LPA: variants seen among roughly 807,000 people sequenced by gnomAD.
LPA encodes the protein apolipoprotein(a).
In LPA, 199 loss-of-function variants were observed where a neutral mutation model predicts 197.9. The ratio of observed to expected loss-of-function variants is 1.01; its 90% CI spans 0.90 to 1.13. The LOEUF is 1.13. LPA is among the 50% of genes most tolerant of loss of function. The pLI is 0.00. For synonymous variants in LPA, 715 were observed against 639.5 expected, an observed-to-expected ratio of 1.12 and a Z score of -1.78; for missense variants, 1,853 against 1,785.8, an observed-to-expected ratio of 1.04 and a Z score of -0.68.
chr6:160,577,191 A>C lies in LPA; in HGVS notation c.4576T>G (p.Trp1526Gly). 1 of 1,613,956 alleles carries C rather than the reference A, an allele frequency of 6.2e-7. No homozygotes were observed. Among genetic ancestry groups the C allele is most frequent in the East Asian group, 2.2e-5 (1 of 44,866 alleles). The change falls in exon 28 of 39, where the codon TGG (tryptophan) becomes GGG (glycine). Residue 1526 changes from tryptophan (W) to glycine (G), a missense_variant. Trp to Gly is a radical substitution (Grantham distance 184). Around this residue, in one of 3 missense-constraint regions of LPA, gnomAD observed 1,737 missense variants for 1,504.4 expected, o/e 1.15. Transcript: ENST00000316300. The part of the protein sequence containing the change: ...TTVTGRTCQS[W>G]SSMIPHWHQR... ...TGCCAGTGTGGTATCATAGATGACCAAGATTGACAGGTCCTTCCTGTGACA... is the reference window on the plus strand; with the variant it reads ...TGCCAGTGTGGTATCATAGATGACCCAGATTGACAGGTCCTTCCTGTGACA...
chr6:160,653,973 TAATATATAATATATAA>T lies in LPA; in HGVS notation c.50-3492_50-3477del, dbSNP rs1562354414. Among the ~76,000 whole-genome samples, 48 of 21,116 alleles carry T rather than the reference TAATATATAATATATAA, an allele frequency of 2.3e-3. 2 individuals carry two copies. Among genetic ancestry groups the T allele is most frequent in the African/African-American group, 8.4e-3 (43 of 5,100 alleles). 13.9% of individuals were successfully genotyped at this position (21,116 alleles called of 152,430 possible). On this transcript the variant is annotated intron_variant, in intron 1 of 38. Transcript: ENST00000316300. ...TATTATATATAATATATATTATATA[TAATATATAATATATAA>T]TATATATTATATATAATATATATTA...
At chr6:160,606,727 C>A in intron 16 of LPA, 69 bp from the exon 17 acceptor site, 1 of 1,572,760 alleles carries the variant, frequency 6.4e-7, no homozygotes, top group Non-Finnish European at 8.7e-7. Flanking sequence ...ACACCCTCTC[C>A]TTTGTGCTGC....
At chr6:160,660,715 G>A (rs1235620903) in intron 1 of LPA, among the ~76,000 whole-genome samples, 2 of 151,878 alleles carry the variant, frequency 1.3e-5, no homozygotes, top group Non-Finnish European at 2.9e-5. Flanking sequence ...GATGATGTTG[G>A]GAATAAATAA....
At chr6:160,593,035 C>G (rs1184891526) in intron 22 of LPA, among the ~76,000 whole-genome samples, 2 of 152,196 alleles carry the variant, frequency 1.3e-5, no homozygotes, top group Non-Finnish European at 2.9e-5. Context: ...TTAGCCAAAG[C>G]CTTGAGAAGA....
chr6:160,664,101 T>C, intron 1 of LPA, 65 bp downstream of exon 1: 1 of 1,309,846 alleles, frequency 7.6e-7, no homozygotes. Flanking sequence ...AGCCATGGCA[T>C]ATGTATTTTT....
Position 160,554,138 on chromosome 6 carries a change from C to CT in LPA, c.4973+1886dup, listed in dbSNP as rs1021226918. The stretch of plus-strand genomic sequence containing the variant: ...TCCATTTGGTTGTTTTACGCATTTG[C>CT]TTTTTTTTATATTCTGCATTTGTTT... On this transcript the variant is annotated intron_variant, in intron 30 of 38. Transcript: ENST00000316300. 1.7e-3 allele frequency among the ~76,000 whole-genome samples: 261 copies of CT among 151,722 alleles called. 3 individuals carry two copies. Among genetic ancestry groups the CT allele is most frequent in the African/African-American group, 6.1e-3 (251 of 41,394 alleles).
chr6:160,600,993 G>A lies in LPA; in HGVS notation c.3051C>T (p.Cys1017=), dbSNP rs756186725. Residue 1017 remains cysteine (C), a synonymous_variant, in exon 19 of 39, where the codon TGC becomes TGT. Transcript: ENST00000316300. The part of the protein sequence containing the change: ...VRWEYCNLTR[C]SDAEWTAFVP... ...CGAAGGCAGTCCATTCTGCATCTGA[G>A]CATCGTGTCAGGTTGCAGTACTCCC... 6.8e-6 allele frequency: 11 copies of A among 1,613,926 alleles called. No individual in the cohort carries two copies. Among genetic ancestry groups the A allele is most frequent in the Non-Finnish European group, 9.3e-6 (11 of 1,179,984 alleles).
At chr6:160,546,567 C>T (rs967898092) in intron 32 of LPA, among the ~76,000 whole-genome samples, 1 of 152,112 alleles carries the variant, frequency 6.6e-6, no homozygotes, top group African/African-American at 2.4e-5. Context: ...GATCTTTATC[C>T]AGCTGGGCAG....
intron 26 of LPA, among the ~76,000 whole-genome samples, chr6:160,582,689 C>T (rs568407818): frequency 1.3e-5 from 2 of 152,134 alleles, no homozygotes; most frequent in South Asian, 2.1e-4. Flanking sequence ...TTTTAAAATC[C>T]TATATCTGAT....
Position 160,556,146 on chromosome 6 carries a change from G to C in LPA, c.4852C>G (p.His1618Asp), listed in dbSNP as rs754831253. 1.9e-5 allele frequency: 30 copies of C among 1,613,842 alleles called. No individual in the cohort carries two copies. In the African/African-American group the frequency reaches 3.5e-4, roughly 19 times the overall value. Residue 1618 changes from histidine (H) to aspartate (D), a missense_variant, in exon 30 of 39, where the codon CAT (histidine) becomes GAT (aspartate). His to Asp is a moderately conservative substitution (Grantham distance 81). Transcript: ENST00000316300. ...EQTPVVRQCY[H>D]GNGQSYRGTF... Reference sequence around the variant, plus strand: ...CCTCGATAACTCTGGCCATTACCATGGTAGCACTGCCGGACCACAGGGGTT... The same window carrying C: ...CCTCGATAACTCTGGCCATTACCATCGTAGCACTGCCGGACCACAGGGGTT...
chr6:160,654,005 A>ATATATTATATATTATATATAGTATATAT (rs1562354715), intron 1 of LPA, among the ~76,000 whole-genome samples: 1 of 4,758 alleles, frequency 2.1e-4, no homozygotes, highest in African/African-American at 5.4e-4. Flanking sequence ...ATTATATATA[A>ATATATTATATATTATATATAGTATATAT]TATATATTAT....
At chr6:160,551,385 T>G (rs528385728) in intron 30 of LPA, among the ~76,000 whole-genome samples, 15 of 152,344 alleles carry the variant, frequency 9.8e-5, no homozygotes, top group African/African-American at 3.4e-4. Context: ...CATTAGTTGT[T>G]TGTCCTCTGT....
intron 1 of LPA, among the ~76,000 whole-genome samples, chr6:160,659,417 AAC>A (rs1780184984): frequency 1.3e-5 from 2 of 152,182 alleles, no homozygotes; most frequent in African/African-American, 2.4e-5. Context: ...ACCCCACAAA[AAC>A]ACAGAGTGCA....
At chr6:160,653,959 A>T (rs1182934726) in intron 1 of LPA, among the ~76,000 whole-genome samples, 5 of 29,858 alleles carry the variant, frequency 1.7e-4, no homozygotes, top group Admixed American at 6.8e-4. Context: ...ATTATATATA[A>T]TATATATTAT....
intron 33 of LPA, among the ~76,000 whole-genome samples, chr6:160,543,240 T>C (rs1398678208): frequency 6.6e-6 from 1 of 152,146 alleles, no homozygotes; most frequent in African/African-American, 2.4e-5. Flanking sequence ...CACATGTGCC[T>C]CTATTCTTCT....
intron 22 of LPA, among the ~76,000 whole-genome samples, chr6:160,593,116 T>C (rs1287750812): frequency 1.3e-5 from 2 of 152,164 alleles, no homozygotes; most frequent in South Asian, 4.1e-4. Flanking sequence ...CTAGAATACG[T>C]CAGATGCCTG....
chr6:160,648,015 G>T (rs1258319601), intron 2 of LPA, among the ~76,000 whole-genome samples: 2 of 152,154 alleles, frequency 1.3e-5, no homozygotes, highest in Non-Finnish European at 2.9e-5. Context: ...TGATTCCAAA[G>T]TCTTACAGTT....
At chr6:160,553,933 C>CTGTGTGTGTGTG (rs1437869346) in intron 30 of LPA, among the ~76,000 whole-genome samples, 803 of 68,828 alleles carry the variant, frequency 0.012, 9 homozygotes, top group African/African-American at 0.032. Flanking sequence ...CTCTCTCTCT[C>CTGTGTGTGTGTG]TCTCTGTGTG....
rs535690595 is a variant in LPA at position 160,654,711 on chromosome 6, G to A, written c.50-4214C>T. ...ATGCTGATATGAACAACACTTAAAT[G>A]CTTAAATGCTGATGTGAAGTCCATA... On this transcript the variant is annotated intron_variant, in intron 1 of 38. Transcript: ENST00000316300. Among the ~76,000 whole-genome samples the A allele has an allele frequency of 2.0e-5, 3 of 152,276 alleles. No homozygotes were observed. The East Asian group carries it at 5.8e-4, about 29-fold the overall frequency.
Sources: allele counts gnomAD v4.1 joint callset (sites outside exome capture counted in the v4.1 genomes callset), GRCh38; gene constraint gnomAD v4.1.1; regional missense constraint gnomAD v4.1.1; transcripts MANE v1.5; gene names NCBI Gene and HGNC (gene_info 2026-07-23, HGNC 2026-07-21).